IFNL3: variants seen among roughly 807,000 people sequenced by gnomAD.
IFNL3 encodes interferon lambda 3.
Under a neutral mutation model 16.3 loss-of-function variants are expected in IFNL3, and 16 were observed. The ratio of observed to expected loss-of-function variants is 0.98; its 90% CI spans 0.67 to 1.50. IFNL3 has a LOEUF of 1.50. Ranked by LOEUF, IFNL3 falls within the 40% of genes most tolerant of loss-of-function variation. The pLI, the probability that IFNL3 is intolerant of heterozygous loss-of-function variation, is 0.00. For missense variants in IFNL3, 254 were observed against 253.5 expected (o/e 1.00, Z -0.01); for synonymous variants, 115 against 115.3 (o/e 1.00, Z 0.02).
At position 39,243,566 on chromosome 19, in the gene IFNL3, G is replaced by A. The variant is rs1318922062; in HGVS notation, c.*66C>T. 6.7e-6 allele frequency: 10 copies of A among 1,493,708 alleles called. No individual in the cohort carries two copies. The highest frequency in any genetic ancestry group is 9.1e-6 in the Non-Finnish European group (10 of 1,096,538). The allele number at this position is 1,493,708 out of a possible 1,614,324, so 92.5% of individuals were successfully genotyped here. A position where few individuals can be genotyped will look rare whatever the true frequency, so the allele number is the denominator to read the frequency against. On this transcript the variant is annotated 3_prime_UTR_variant, in exon 5 of 5. Transcript: ENST00000413851. ...ACAAATACATAAATAGCGACTGGGT[G>A]ACAATAAATTAAGCCAAGTGGCTAA... is the stretch of plus-strand genomic sequence containing the variant.
At position 39,243,910 on chromosome 19, in the gene IFNL3, G is replaced by A; in HGVS notation, c.409-3C>T. The A allele has an allele frequency of 1.2e-6, 2 of 1,613,110 alleles. No homozygotes were observed. The highest frequency in any genetic ancestry group is 8.5e-7 in the Non-Finnish European group (1 of 1,179,544). On this transcript the variant is annotated splice_polypyrimidine_tract_variant and splice_region_variant and intron_variant, in intron 3 of 4. Coordinates refer to ENST00000413851, the MANE Select transcript of IFNL3 (RefSeq NM_172139.4). ...CCTGCCGTGGGCTGAGGCTGGATCTGTGGGCAGAGGAGGGCGGTGTGTGAG... is the reference window on the plus strand; with the variant it reads ...CCTGCCGTGGGCTGAGGCTGGATCTATGGGCAGAGGAGGGCGGTGTGTGAG...
chr19:39,244,178 G>A, intron 2 of IFNL3, 21 bp from the exon 3 acceptor site: 6 of 1,613,890 alleles, frequency 3.7e-6, no homozygotes, highest in Non-Finnish European at 5.1e-6. Flanking sequence ...GTGAGAAAGA[G>A]CAGGTGAGGG....
Position 39,243,897 on chromosome 19 carries a change from T to G in IFNL3, c.419A>C (p.Gln140Pro), listed in dbSNP as rs2074927922. ...LSQLRACIQP[Q>P]PTAGPRTRGR... ...CCGGGTCCTGGGCCCTGCCGTGGGC[T>G]GAGGCTGGATCTGTGGGCAGAGGAG... The change falls in exon 4 of 5, where the codon CAG becomes CCG. Residue 140 changes from glutamine (Q) to proline (P), a missense_variant. Coordinates refer to ENST00000413851, the MANE Select transcript of IFNL3 (RefSeq NM_172139.4). 1 of 1,613,628 alleles carries G rather than the reference T, an allele frequency of 6.2e-7. No homozygotes were observed. Among genetic ancestry groups the G allele is most frequent in the South Asian group, 1.1e-5 (1 of 91,042 alleles).
chr19:39,244,087 T>A lies in IFNL3; in HGVS notation c.329A>T (p.Asp110Val). The A allele has an allele frequency of 6.2e-7, 1 of 1,614,098 alleles. No individual in the cohort carries two copies. The change falls in exon 3 of 5, where the codon GAC (aspartate) becomes GTC (valine). Residue 110 changes from aspartate (D) to valine (V), a missense_variant. Asp to Val is a radical substitution (Grantham distance 152). Transcript: ENST00000413851. ...GACATCCCCCAGGGCTGGGTCAGTG[T>A]CAGCGGTGGCCTCCAGAACCTTCAG... ...LTLKVLEATA[D>V]TDPALGDVLD...
In IFNL3 at chr19:39,244,514, G is replaced by A; in HGVS notation, c.181-20C>T. The A allele has an allele frequency of 6.3e-7, 1 of 1,599,488 alleles. No homozygotes were observed. Among genetic ancestry groups the A allele is most frequent in the East Asian group, 2.2e-5 (1 of 44,776 alleles). ...CTCTTCCTAGACAGCAAAGGCACAG[G>A]TTAGCCCCAGCAGGAGGGGTGGAGG... is the stretch of plus-strand genomic sequence containing the variant. On this transcript the variant is annotated intron_variant, in intron 1 of 4. Coordinates refer to ENST00000413851, the MANE Select transcript of IFNL3 (RefSeq NM_172139.4).
rs775823318 is a variant in IFNL3, at chr19:39,244,824, C to T, written c.144G>A (p.Gln48=). The change falls in exon 1 of 5, where the codon CAG becomes CAA. Residue 48 remains glutamine, a synonymous_variant. Transcript: ENST00000413851. ...HIAQFKSLSP[Q]ELQAFKRAKD... ...TGGCCCTCTTAAAGGCCTGCAGCTC[C>T]TGTGGAGACAGGGACTTGAACTGGG... 1 of 1,613,860 alleles carries T rather than the reference C, an allele frequency of 6.2e-7. No individual in the cohort carries two copies. Among genetic ancestry groups the T allele is most frequent in the South Asian group, 1.1e-5 (1 of 91,064 alleles).
At chr19:39,245,047 G>A (rs200719718), upstream of IFNL3, 5,842 of 1,611,558 alleles carry the variant, frequency 3.6e-3, 19 homozygotes, top group Non-Finnish European at 4.6e-3. Flanking sequence ...AGCTGAGCAC[G>A]GACAGAGATG....
chr19:39,244,207 G>C (rs957019900), intron 2 of IFNL3, 50 bp from the exon 3 acceptor site: 1 of 1,608,040 alleles, frequency 6.2e-7, no homozygotes. Flanking sequence ...AGGGGAACAG[G>C]TTGGGGGAGG....
At chr19:39,244,549 T>C (rs1032490328) in intron 1 of IFNL3, 55 bp from the exon 2 acceptor site, 94 of 1,545,156 alleles carry the variant, frequency 6.1e-5, no homozygotes, top group South Asian at 4.4e-4. Context: ...GTTAGACCAC[T>C]CTGATGGGAT....
Position 39,244,022 on chromosome 19 carries a change from G to C in IFNL3, c.394C>G (p.Gln132Glu), listed in dbSNP as rs199655870. The change falls in exon 3 of 5, where the codon CAG becomes GAG. Residue 132 changes from glutamine (Q) to glutamate (E), a missense_variant. By Grantham distance (29) the Gln-to-Glu change is conservative. Transcript: ENST00000413851. ...PLHTLHHILS[Q>E]LRACIQPQPT... Reference sequence around the variant, plus strand: ...TGACGACTCACACAGGCCCGGAGCTGGGAGAGGATATGGTGCAGGGTGTGA... The same window carrying C: ...TGACGACTCACACAGGCCCGGAGCTCGGAGAGGATATGGTGCAGGGTGTGA... 4 of 1,614,096 alleles carry C rather than the reference G, an allele frequency of 2.5e-6. No homozygotes were observed. The African/African-American group carries it at 4.0e-5, about 16-fold the overall frequency.
intron 2 of IFNL3, 41 bp downstream of exon 2, chr19:39,244,376 A>G (rs200672838): frequency 3.9e-3 from 5,394 of 1,386,106 alleles, no homozygotes; most frequent in Non-Finnish European, 4.5e-3. Flanking sequence ...CCAGGTGAGC[A>G]GGGCTGGGAG....
chr19:39,244,850 C>T lies in IFNL3; in HGVS notation c.118G>A (p.Ala40Thr). 6.2e-7 allele frequency: 1 copy of T among 1,613,936 alleles called. No homozygotes were observed. Among genetic ancestry groups the T allele is most frequent in the South Asian group, 1.1e-5 (1 of 91,070 alleles). The change falls in exon 1 of 5, where the codon GCC becomes ACC. Residue 40 changes from alanine (A) to threonine (T), a missense_variant. Physicochemically the swap from Ala to Thr is moderately conservative, Grantham distance 58 (BLOSUM62 0). Coordinates refer to ENST00000413851, the MANE Select transcript of IFNL3 (RefSeq NM_172139.4). ...TGTGGAGACAGGGACTTGAACTGGG[C>T]TATGTGGCAGCCCCTTGCATCCGGG... Reference protein sequence around the residue: ...ALPDARGCHIAQFKSLSPQEL... With the variant: ...ALPDARGCHITQFKSLSPQEL...
upstream of IFNL3, chr19:39,245,038 G>C (rs1003985706): frequency 1.9e-6 from 3 of 1,612,148 alleles, no homozygotes; most frequent in African/African-American, 2.7e-5. Context: ...GGCTGCAGGA[G>C]CTGAGCACGG....
rs138562018 is a variant in IFNL3, at chr19:39,244,886, G to C, written c.82C>G (p.Arg28Gly). Residue 28 changes from arginine to glycine, a missense_variant, in exon 1 of 5, where the codon CGC becomes GGC. Physicochemically the swap from Arg to Gly is moderately radical, Grantham distance 125. Transcript: ENST00000413851. ...VTGAVPVARL[R>G]GALPDARGCH... Reference sequence around the variant, plus strand: ...CCCCTTGCATCCGGGAGAGCCCCGCGGAGCCTGGCGACAGGAACTGCTCCA... The same window carrying C: ...CCCCTTGCATCCGGGAGAGCCCCGCCGAGCCTGGCGACAGGAACTGCTCCA... The C allele has an allele frequency of 1.1e-5, 17 of 1,613,880 alleles. No individual in the cohort carries two copies. Among genetic ancestry groups the C allele is most frequent in the Non-Finnish European group, 1.3e-5 (15 of 1,179,880 alleles).
chr19:39,243,973 T>C (rs1191856526), intron 3 of IFNL3, 35 bp downstream of exon 3: 1 of 1,611,796 alleles, frequency 6.2e-7, no homozygotes, highest in Non-Finnish European at 8.5e-7. Context: ...TGCTCAGAGC[T>C]CACAGACCTG....
Position 39,244,950 on chromosome 19 carries a change from C to T in IFNL3, c.18G>A (p.Met6Ile), listed in dbSNP as rs1490261033. ...CTGCGGCCATCAGCACCAGCACTGG[C>T]ATGCAGTCCCCGGTCATGTCTGTGT... The part of the protein sequence containing the change: MTGDC[M>I]PVLVLMAAVL... The change falls in exon 1 of 5, where the codon ATG (methionine) becomes ATA (isoleucine). Residue 6 changes from methionine (M) to isoleucine (I), a missense_variant. Physicochemically the swap from Met to Ile is conservative, Grantham distance 10. Coordinates refer to ENST00000413851, the MANE Select transcript of IFNL3 (RefSeq NM_172139.4). The T allele has an allele frequency of 1.2e-6, 2 of 1,613,880 alleles. No individual in the cohort carries two copies. The highest frequency in any genetic ancestry group is 2.7e-5 in the African/African-American group (2 of 74,914).
chr19:39,243,538 T>C (rs562926037), downstream of IFNL3: 159 of 1,375,746 alleles, frequency 1.2e-4, no homozygotes, highest in South Asian at 1.6e-3. Context: ...TGGATTTACA[T>C]ACACAAATAC....
At position 39,244,928 on chromosome 19, in the gene IFNL3, C is replaced by T. The variant is rs141779226; in HGVS notation, c.40G>A (p.Ala14Thr). The T allele has an allele frequency of 3.7e-6, 6 of 1,613,774 alleles. No homozygotes were observed. The highest frequency in any genetic ancestry group is 3.3e-5 in the Admixed American group (2 of 59,998). ...ACTGCTCCAGTCACGGTCAGCACTG[C>T]GGCCATCAGCACCAGCACTGGCATG... Reference protein sequence around the residue: ...DCMPVLVLMAAVLTVTGAVPV... With the variant: ...DCMPVLVLMATVLTVTGAVPV... The change falls in exon 1 of 5, where the codon GCA becomes ACA. Residue 14 changes from alanine to threonine, a missense_variant. Transcript: ENST00000413851.
In IFNL3 at chr19:39,244,025, A is replaced by C; in HGVS notation, c.391T>G (p.Ser131Ala). 1 of 1,613,956 alleles carries C rather than the reference A, an allele frequency of 6.2e-7. No homozygotes were observed. Among genetic ancestry groups the C allele is most frequent in the Non-Finnish European group, 8.5e-7 (1 of 1,179,926 alleles). ...CGACTCACACAGGCCCGGAGCTGGG[A>C]GAGGATATGGTGCAGGGTGTGAAGG... ...QPLHTLHHIL[S>A]QLRACIQPQP... Residue 131 changes from serine to alanine, a missense_variant, in exon 3 of 5, where the codon TCC (serine) becomes GCC (alanine). Physicochemically the swap from Ser to Ala is moderately conservative, Grantham distance 99 (BLOSUM62 1). Transcript: ENST00000413851.
Sources: gnomAD v4.1 joint callset for allele counts on GRCh38, gnomAD v4.1.1 for gene constraint, MANE v1.5 for transcripts, NCBI Gene and HGNC (gene_info 2026-07-23, HGNC 2026-07-21) for gene names.